Variants in DAB1 observed in about 807,000 individuals in gnomAD.
The protein encoded by DAB1 is disabled homolog 1.
In DAB1, 15 loss-of-function variants were observed where a neutral mutation model predicts 64.6. That is an observed-to-expected ratio of 0.23 (90% CI 0.16 to 0.36). DAB1 has a LOEUF of 0.36. DAB1 is among the 10% of genes least tolerant of loss of function. DAB1 has a pLI of 1.00. For missense variants in DAB1, 596 were observed against 706.7 expected (o/e 0.84, Z 1.78); for synonymous variants, 235 against 251.9 (o/e 0.93, Z 0.64).
At chr1:57,817,209 G>T (rs1651896502) in intron 6 of DAB1, among the ~76,000 whole-genome samples, 1 of 152,140 alleles carries the variant, frequency 6.6e-6, no homozygotes, top group South Asian at 2.1e-4. Flanking sequence ...CATTGTGATT[G>T]GCAGAGAGCA....
chr1:58,046,501 A>G (rs1456381101), intron 5 of DAB1, among the ~76,000 whole-genome samples: 1 of 152,194 alleles, frequency 6.6e-6, no homozygotes, highest in Non-Finnish European at 1.5e-5. Context: ...AACTACTTTA[A>G]GGCCCTCTGA....
chr1:57,808,818 A>T (rs536888594), intron 6 of DAB1, among the ~76,000 whole-genome samples: 15 of 152,198 alleles, frequency 9.9e-5, no homozygotes, highest in Non-Finnish European at 2.1e-4. Context: ...AGAATCACTT[A>T]TGCCTCATCA....
chr1:57,620,933 G>A (rs1410456743), intron 7 of DAB1, among the ~76,000 whole-genome samples: 1 of 152,152 alleles, frequency 6.6e-6, no homozygotes, highest in Non-Finnish European at 1.5e-5. Context: ...TTTGCAGACT[G>A]GCCTACTTTC....
intron 5 of DAB1, among the ~76,000 whole-genome samples, chr1:57,941,322 T>TACAAATA (rs1645100870): frequency 6.6e-6 from 1 of 152,212 alleles, no homozygotes. Flanking sequence ...AGGATTGAGA[T>TACAAATA]ACAAATAATT....
At chr1:58,451,362 G>C (rs540595402) in intron 3 of DAB1, among the ~76,000 whole-genome samples, 1 of 152,308 alleles carries the variant, frequency 6.6e-6, no homozygotes, top group South Asian at 2.1e-4. Flanking sequence ...CAAAGTGCTG[G>C]GGTTACAGGC....
At chr1:57,083,254 G>A (rs1011290531) in intron 4 of DAB1, among the ~76,000 whole-genome samples, 1 of 152,188 alleles carries the variant, frequency 6.6e-6, no homozygotes, top group African/African-American at 2.4e-5. Context: ...GACCTGGACT[G>A]CTGCCAGGTA....
chr1:57,195,461 G>T (rs1664549086), intron 2 of DAB1, among the ~76,000 whole-genome samples: 1 of 152,150 alleles, frequency 6.6e-6, no homozygotes, highest in Admixed American at 6.5e-5. Flanking sequence ...TTTATTTTAA[G>T]AATATGCTGG....
chr1:57,615,728 G>T (rs1300322852), intron 7 of DAB1, among the ~76,000 whole-genome samples: 1 of 152,138 alleles, frequency 6.6e-6, no homozygotes, highest in Non-Finnish European at 1.5e-5. Context: ...AACAGTCTTG[G>T]ATTTAAAAAC....
upstream of DAB1, among the ~76,000 whole-genome samples, chr1:57,887,757 A>G (rs1644246236): frequency 6.6e-6 from 1 of 152,234 alleles, no homozygotes; most frequent in African/African-American, 2.4e-5. Flanking sequence ...TAAACATTCT[A>G]TTAAAAGGAG....
At chr1:57,768,175 T>TA (rs11413691) in intron 6 of DAB1, among the ~76,000 whole-genome samples, 60,161 of 96,762 alleles carry the variant, frequency 0.62, 19,427 homozygotes, top group Admixed American at 0.69. Flanking sequence ...AGAATCTGTC[T>TA]AAAAAAAAAA....
intron 9 of DAB1, among the ~76,000 whole-genome samples, chr1:57,051,832 C>A (rs1053934367): frequency 1.8e-4 from 27 of 152,144 alleles, no homozygotes; most frequent in African/African-American, 6.0e-4. Context: ...GAGTGCTGGG[C>A]CTCATAAGGT....
chr1:57,561,179 A>G (rs548823522), intron 7 of DAB1, among the ~76,000 whole-genome samples: 8 of 152,258 alleles, frequency 5.3e-5, no homozygotes, highest in African/African-American at 1.4e-4. Flanking sequence ...GGAGTTCCCT[A>G]TAATCAGTTG....
chr1:58,381,112 T>C (rs1644384570), intron 3 of DAB1, among the ~76,000 whole-genome samples: 1 of 151,920 alleles, frequency 6.6e-6, no homozygotes, highest in South Asian at 2.1e-4. Flanking sequence ...CATGCACACA[T>C]GGAGGGGAAA....
At chr1:57,569,450 A>T (rs1645166488) in intron 7 of DAB1, among the ~76,000 whole-genome samples, 1 of 152,106 alleles carries the variant, frequency 6.6e-6, no homozygotes. Flanking sequence ...ACATGGATGA[A>T]GCTGGAAACC....
At chr1:57,047,964 C>T (rs1648739505) in intron 9 of DAB1, among the ~76,000 whole-genome samples, 1 of 152,204 alleles carries the variant, frequency 6.6e-6, no homozygotes, top group Non-Finnish European at 1.5e-5. Context: ...CATCATAGTT[C>T]ATAATAATAA....
At chr1:58,081,285 T>C (rs1324400417) in intron 5 of DAB1, among the ~76,000 whole-genome samples, 4 of 152,198 alleles carry the variant, frequency 2.6e-5, no homozygotes, top group Non-Finnish European at 5.9e-5. Flanking sequence ...GTAGGATAAA[T>C]TGTGACGCAG....
In DAB1 at chr1:58,056,509, T is replaced by C. The variant is rs145392081; in HGVS notation, n.387+94002A>G. On this transcript the variant is annotated intron_variant and non_coding_transcript_variant, in intron 5 of 20. Transcript: ENST00000485760. ...GGAGGCACGGACCAGAGAGAGCTCA[T>C]GTGCATTCTTAATGTTGGGTTATGT... 6.7e-5 allele frequency: 76 copies of C among 1,130,566 alleles called. No homozygotes were observed. The East Asian group carries it at 7.5e-4, about 11-fold the overall frequency. 70.0% of individuals were successfully genotyped at this position (1,130,566 alleles called of 1,614,324 possible).
At chr1:57,697,094 G>A (rs1288424112) in intron 6 of DAB1, among the ~76,000 whole-genome samples, 1 of 152,046 alleles carries the variant, frequency 6.6e-6, no homozygotes, top group Non-Finnish European at 1.5e-5. Flanking sequence ...CAATTATCTT[G>A]TAATGAGGCT....
intron 2 of DAB1, among the ~76,000 whole-genome samples, chr1:57,245,475 C>A (rs1668797430): frequency 1.3e-5 from 2 of 152,088 alleles, no homozygotes; most frequent in African/African-American, 2.4e-5. Flanking sequence ...TGTTCCCCTT[C>A]CTGTGTCCAT....
Sources: allele counts gnomAD v4.1 joint callset (sites outside exome capture counted in the v4.1 genomes callset), GRCh38; gene constraint gnomAD v4.1.1; transcripts MANE v1.5; gene names NCBI Gene and HGNC (gene_info 2026-07-23, HGNC 2026-07-21).